Variants in KCND3 observed in about 807,000 individuals in gnomAD.
KCND3 encodes A-type voltage-gated potassium channel KCND3.
KCND3 carries 9 observed loss-of-function variants against 51.1 expected under a neutral mutation model. That is an observed-to-expected ratio of 0.18 (90% CI 0.11 to 0.31). The LOEUF (loss-of-function observed/expected upper bound fraction) is 0.31. Among genes scored for constraint, KCND3 ranks in the 10% least tolerant of loss-of-function variants. The pLI, the probability that KCND3 is intolerant of heterozygous loss-of-function variation, is 1.00. For synonymous variants in KCND3, 349 were observed against 368.0 expected, an observed-to-expected ratio of 0.95 and a Z score of 0.59; for missense variants, 526 against 903.8, an observed-to-expected ratio of 0.58 and a Z score of 5.36.
At chr1:111,956,517 G>A (rs1040177577) in intron 2 of KCND3, among the ~76,000 whole-genome samples, 1 of 152,204 alleles carries the variant, frequency 6.6e-6, no homozygotes, top group African/African-American at 2.4e-5. Flanking sequence ...GGTCTGGGCT[G>A]TGAGCTCAGC....
At chr1:111,805,866 G>T (rs563980338) in intron 2 of KCND3, among the ~76,000 whole-genome samples, 3 of 152,230 alleles carry the variant, frequency 2.0e-5, no homozygotes, top group Admixed American at 1.3e-4. Context: ...AGGCTCAGAG[G>T]TCTGGGACCA....
intron 2 of KCND3, among the ~76,000 whole-genome samples, chr1:111,957,310 T>C (rs907694204): frequency 2.6e-5 from 4 of 152,206 alleles, no homozygotes; most frequent in African/African-American, 9.7e-5. Context: ...TCTTGGTAAC[T>C]GGTTCTGTTT....
chr1:111,875,075 G>A (rs1267768155), intron 2 of KCND3, among the ~76,000 whole-genome samples: 2 of 152,196 alleles, frequency 1.3e-5, no homozygotes, highest in African/African-American at 4.8e-5. Flanking sequence ...GAGGGGCCAT[G>A]GTGGCTCCAG....
At chr1:111,896,963 T>C (rs962990181) in intron 2 of KCND3, among the ~76,000 whole-genome samples, 2 of 152,198 alleles carry the variant, frequency 1.3e-5, no homozygotes, top group Non-Finnish European at 2.9e-5. Flanking sequence ...GCTTAGTCAC[T>C]ATTATTATGA....
intron 2 of KCND3, among the ~76,000 whole-genome samples, chr1:111,876,343 G>C (rs1669048139): frequency 7.0e-6 from 1 of 142,444 alleles, no homozygotes; most frequent in Non-Finnish European, 1.5e-5. Context: ...GGGAGGCCCA[G>C]TGCGACTCAG....
chr1:111,846,895 C>T (rs139843253), intron 2 of KCND3, among the ~76,000 whole-genome samples: 5 of 152,266 alleles, frequency 3.3e-5, no homozygotes, highest in Non-Finnish European at 2.9e-5. Context: ...CAGGTTTGAA[C>T]GCAGGCCTCT....
chr1:111,860,486 T>C (rs754814136), intron 2 of KCND3, among the ~76,000 whole-genome samples: 4 of 152,130 alleles, frequency 2.6e-5, no homozygotes, highest in Non-Finnish European at 5.9e-5. Flanking sequence ...GGAAGAGGTG[T>C]TCAGGAGAGG....
rs562129707 is a variant in KCND3, at chr1:111,935,310, G to A, written c.1106+46311C>T. Among the ~76,000 whole-genome samples the A allele has an allele frequency of 2.0e-5, 3 of 152,286 alleles. No homozygotes were observed. The East Asian group carries it at 5.8e-4, about 29-fold the overall frequency. On this transcript the variant is annotated intron_variant, in intron 2 of 7. Coordinates refer to ENST00000302127, the MANE Select transcript of KCND3 (RefSeq NM_001378969.1). ...CGTCATGCTCCCTGGCTTGATGGCAGGGAGCTTTCTGAATTGATTTTAGAG... is the reference window on the plus strand; with the variant it reads ...CGTCATGCTCCCTGGCTTGATGGCAAGGAGCTTTCTGAATTGATTTTAGAG...
intron 2 of KCND3, among the ~76,000 whole-genome samples, chr1:111,884,047 C>G (rs1669457330): frequency 4.6e-5 from 7 of 152,164 alleles, no homozygotes; most frequent in Admixed American, 4.6e-4. Flanking sequence ...CTTGTAGGCT[C>G]TTCAACAGGT....
intron 2 of KCND3, among the ~76,000 whole-genome samples, chr1:111,877,709 G>A (rs1669111645): frequency 6.6e-6 from 1 of 152,226 alleles, no homozygotes; most frequent in Admixed American, 6.5e-5. Flanking sequence ...GTGGTTGGTT[G>A]CCAGCCTCCT....
At chr1:111,786,005 C>G (rs1240610712) in intron 3 of KCND3, among the ~76,000 whole-genome samples, 3 of 152,230 alleles carry the variant, frequency 2.0e-5, no homozygotes, top group Non-Finnish European at 2.9e-5. Context: ...CCGTTGTCCT[C>G]AGAAAGGCTC....
chr1:111,902,493 T>C (rs777227419), intron 2 of KCND3, among the ~76,000 whole-genome samples: 1 of 152,146 alleles, frequency 6.6e-6, no homozygotes, highest in Non-Finnish European at 1.5e-5. Flanking sequence ...AACACCACAC[T>C]CCTATGTGGA....
intron 2 of KCND3, among the ~76,000 whole-genome samples, chr1:111,974,801 T>C (rs1674537619): frequency 6.6e-6 from 1 of 152,146 alleles, no homozygotes. Flanking sequence ...AACAGAGAGA[T>C]ACAGAGAGAG....
intron 2 of KCND3, among the ~76,000 whole-genome samples, chr1:111,888,379 T>A (rs561741134): frequency 1.3e-5 from 2 of 151,864 alleles, no homozygotes; most frequent in Admixed American, 1.3e-4. Flanking sequence ...ACACAGAGGG[T>A]GGCAGAAGAG....
chr1:111,796,900 G>T (rs539089307), intron 2 of KCND3, among the ~76,000 whole-genome samples: 39 of 152,322 alleles, frequency 2.6e-4, no homozygotes, highest in Non-Finnish European at 5.0e-4. Context: ...GCTGTGGTTT[G>T]CTGTGGCTTG....
At chr1:111,784,010 C>T (rs570570814) in intron 3 of KCND3, among the ~76,000 whole-genome samples, 1 of 151,732 alleles carries the variant, frequency 6.6e-6, no homozygotes, top group East Asian at 1.9e-4. Flanking sequence ...AGGGCTAGGG[C>T]AGAAGGTGGG....
At chr1:111,912,307 T>C (rs149037391) in intron 2 of KCND3, among the ~76,000 whole-genome samples, 14 of 152,314 alleles carry the variant, frequency 9.2e-5, no homozygotes, top group African/African-American at 2.6e-4. Flanking sequence ...AGTGACATCA[T>C]AGTCATCTTA....
intron 2 of KCND3, among the ~76,000 whole-genome samples, chr1:111,795,804 C>A (rs1665029683): frequency 1.3e-5 from 2 of 152,228 alleles, no homozygotes; most frequent in Non-Finnish European, 2.9e-5. Context: ...CTCCCACCAA[C>A]AGTGTATAAG....
chr1:111,911,844 T>C (rs1023947019), intron 2 of KCND3, among the ~76,000 whole-genome samples: 3 of 152,188 alleles, frequency 2.0e-5, no homozygotes. Flanking sequence ...ACTATGATCC[T>C]TGAGAGAGGT....
Sources: gnomAD v4.1 joint callset for allele counts (sites outside exome capture counted in the v4.1 genomes callset) on GRCh38, gnomAD v4.1.1 for gene constraint, MANE v1.5 for transcripts, NCBI Gene and HGNC (gene_info 2026-07-23, HGNC 2026-07-21) for gene names.